KLHL8: variants seen among roughly 807,000 people sequenced by gnomAD.
KLHL8 encodes kelch-like protein 8.
Under a neutral mutation model 63.5 loss-of-function variants are expected in KLHL8, and 38 were observed. The observed-to-expected ratio is 0.60, with a 90% CI of 0.46 to 0.78. KLHL8 has a LOEUF of 0.78. Among genes scored for constraint, KLHL8 ranks in the 30% least tolerant of loss-of-function variants. KLHL8 has a pLI of 0.00. For synonymous variants in KLHL8, 224 were observed against 254.3 expected (o/e 0.88, Z 1.13); for missense variants, 566 against 752.4 (o/e 0.75, Z 2.90).
At chr4:87,196,334 A>C (rs1403510391) in intron 1 of KLHL8, among the ~76,000 whole-genome samples, 1 of 152,172 alleles carries the variant, frequency 6.6e-6, no homozygotes, top group African/African-American at 2.4e-5. Flanking sequence ...ATACAGTAAA[A>C]CACTAGTATA....
chr4:87,173,670 C>A lies in KLHL8; in HGVS notation c.1209-3055G>T, dbSNP rs143927002. On this transcript the variant is annotated intron_variant, in intron 6 of 9. Coordinates refer to ENST00000273963, the MANE Select transcript of KLHL8 (RefSeq NM_020803.5). ...ATTTTTCACACAGATTGTAAATGCTCGGGGCATATTTTAAAAGATTAAAGA... is the reference window on the plus strand; with the variant it reads ...ATTTTTCACACAGATTGTAAATGCTAGGGGCATATTTTAAAAGATTAAAGA... Among the ~76,000 whole-genome samples, 495 of 152,198 alleles carry A rather than the reference C, an allele frequency of 3.3e-3. 2 individuals carry two copies. The highest frequency in any genetic ancestry group is 0.012 in the African/African-American group (481 of 41,528).
chr4:87,216,479 T>C (rs1732600571), intron 1 of KLHL8, among the ~76,000 whole-genome samples: 1 of 152,192 alleles, frequency 6.6e-6, no homozygotes, highest in African/African-American at 2.4e-5. Context: ...GTCATGATGC[T>C]CTTTTAATTT....
intron 4 of KLHL8, 105 bp downstream of exon 4, chr4:87,183,098 G>A: frequency 4.2e-6 from 3 of 711,632 alleles, no homozygotes; most frequent in Non-Finnish European, 6.7e-6. Context: ...ATTACTTTAA[G>A]GCAATCAGAC....
chr4:87,177,164 C>A (rs948285713), intron 5 of KLHL8, among the ~76,000 whole-genome samples: 1 of 152,108 alleles, frequency 6.6e-6, no homozygotes, highest in East Asian at 1.9e-4. Context: ...ACTAATCATG[C>A]CTTCAGAGAA....
chr4:87,207,109 C>A, intron 1 of KLHL8: 1 of 517,748 alleles, frequency 1.9e-6, no homozygotes, highest in South Asian at 1.6e-5. Context: ...TGGCCGGAGT[C>A]AACGGATTTG....
intron 1 of KLHL8, among the ~76,000 whole-genome samples, chr4:87,236,655 T>C (rs1040757797): frequency 1.4e-5 from 2 of 146,192 alleles, no homozygotes; most frequent in East Asian, 2.1e-4. Flanking sequence ...AATTTATCTG[T>C]ACTGTGTCTT....
intron 1 of KLHL8, chr4:87,207,742 G>A: frequency 1.2e-6 from 1 of 861,582 alleles, no homozygotes; most frequent in Non-Finnish European, 2.0e-6. Context: ...TGTGGGAAAG[G>A]CCCTCTCTGA....
At chr4:87,211,794 T>A (rs1055933483) in intron 1 of KLHL8, among the ~76,000 whole-genome samples, 1 of 152,078 alleles carries the variant, frequency 6.6e-6, no homozygotes, top group African/African-American at 2.4e-5. Flanking sequence ...GGAGACCCAA[T>A]GGAGAGATCT....
At chr4:87,199,162 C>T (rs1431318213) in intron 1 of KLHL8, among the ~76,000 whole-genome samples, 1 of 151,950 alleles carries the variant, frequency 6.6e-6, no homozygotes, top group Non-Finnish European at 1.5e-5. Context: ...AGACACACCA[C>T]GCCAACAGTA....
At position 87,170,475 on chromosome 4, in the gene KLHL8, C is replaced by T. The variant is rs1050899491; in HGVS notation, c.1349G>A (p.Arg450His). ...TAGAGCAACAGAGCCAACTCCTCCA[C>T]GGGGAGTATTCATTGGTGCCACTGT... ...WSTVAPMNTP[R>H]GGVGSVALVN... The change falls in exon 7 of 10, where the codon CGT becomes CAT. Residue 450 changes from arginine to histidine, a missense_variant. By Grantham distance (29) the Arg-to-His change is conservative. Transcript: ENST00000273963. 5.0e-6 allele frequency: 8 copies of T among 1,609,344 alleles called. No individual in the cohort carries two copies. Among genetic ancestry groups the T allele is most frequent in the Admixed American group, 1.7e-5 (1 of 58,692 alleles).
intron 1 of KLHL8, among the ~76,000 whole-genome samples, chr4:87,210,583 T>A (rs1732367526): frequency 6.6e-6 from 1 of 152,334 alleles, no homozygotes; most frequent in African/African-American, 2.4e-5. Flanking sequence ...TGATTAATTT[T>A]AGAGCTACCC....
intron 8 of KLHL8, among the ~76,000 whole-genome samples, chr4:87,169,064 G>A (rs531219612): frequency 4.6e-5 from 7 of 152,186 alleles, no homozygotes. Context: ...CAGCACTTTG[G>A]GAGGCCAAGG....
At chr4:87,166,161 A>G (rs1213218512) in intron 8 of KLHL8, among the ~76,000 whole-genome samples, 4 of 152,184 alleles carry the variant, frequency 2.6e-5, no homozygotes, top group Non-Finnish European at 5.9e-5. Flanking sequence ...TAAATTATTC[A>G]TTCTCTCTGA....
rs1197016934 is a variant in KLHL8 at position 87,226,699 on chromosome 4, TTA to T, written n.58-5311_58-5310del. On this transcript the variant is annotated intron_variant and non_coding_transcript_variant, in intron 1 of 1. Coordinates refer to the KLHL8 transcript ENST00000506274. ...TATTTATATATAATATATATATTAT[TTA>T]TATATAATATATATTATTTATATAT... Among the ~76,000 whole-genome samples, 3 of 11,094 alleles carry T rather than the reference TTA, an allele frequency of 2.7e-4. 1 individual carries two copies. Among genetic ancestry groups the T allele is most frequent in the East Asian group, 1.6e-3 (1 of 634 alleles). The allele number at this position is 11,094 out of a possible 152,430, so 7.3% of individuals were successfully genotyped here.
intron 8 of KLHL8, chr4:87,167,854 AGG>A (rs950377229): frequency 1.6e-5 from 3 of 183,510 alleles, no homozygotes; most frequent in Non-Finnish European, 3.4e-5. Flanking sequence ...ACTCTGCATA[AGG>A]GGTAAAGCTT....
At chr4:87,189,314 T>C (rs1731386324) in intron 2 of KLHL8, among the ~76,000 whole-genome samples, 1 of 152,164 alleles carries the variant, frequency 6.6e-6, no homozygotes, top group African/African-American at 2.4e-5. Flanking sequence ...AAGTTTAAAA[T>C]ACATAAGGTG....
chr4:87,225,194 C>G (rs1373336096), upstream of KLHL8, among the ~76,000 whole-genome samples: 2 of 152,116 alleles, frequency 1.3e-5, no homozygotes, highest in Non-Finnish European at 2.9e-5. Context: ...CTAGTATTAA[C>G]TTAGAAAACT....
At chr4:87,224,077 T>C (rs922439448), upstream of KLHL8, among the ~76,000 whole-genome samples, 8 of 152,170 alleles carry the variant, frequency 5.3e-5, no homozygotes, top group Non-Finnish European at 7.4e-5. Context: ...TTTTTTTAAA[T>C]TTGAGATGGA....
intron 5 of KLHL8, among the ~76,000 whole-genome samples, chr4:87,177,670 T>C (rs1185553141): frequency 6.6e-6 from 1 of 152,098 alleles, no homozygotes; most frequent in Non-Finnish European, 1.5e-5. Flanking sequence ...GCAGTGGCGT[T>C]ATGACTGCTC....
Sources: gnomAD v4.1 joint callset for allele counts (sites outside exome capture counted in the v4.1 genomes callset) on GRCh38, gnomAD v4.1.1 for gene constraint, MANE v1.5 for transcripts, NCBI Gene and HGNC (gene_info 2026-07-23, HGNC 2026-07-21) for gene names.